HDAC9: variants seen among roughly 807,000 people sequenced by gnomAD.
HDAC9 encodes the protein histone deacetylase 9, also known as MEF-2 interacting transcription repressor (MITR) protein.
Under a neutral mutation model 139.4 loss-of-function variants are expected in HDAC9, and 41 were observed. The ratio of observed to expected loss-of-function variants is 0.29; its 90% CI spans 0.23 to 0.38. The LOEUF (loss-of-function observed/expected upper bound fraction) is 0.38, where lower values mean the gene tolerates loss of function less well. Ranked by LOEUF, HDAC9 falls within the 10% of genes least tolerant of loss-of-function variation. The pLI, the probability that HDAC9 is intolerant of heterozygous loss-of-function variation, is 1.00. For missense variants in HDAC9, 1,147 were observed against 1,297.0 expected, an observed-to-expected ratio of 0.88 and a Z score of 1.78; for synonymous variants, 517 against 476.2, an observed-to-expected ratio of 1.09 and a Z score of -1.12.
intron 6 of HDAC9, among the ~76,000 whole-genome samples, chr7:18,620,307 T>A (rs902769200): frequency 6.6e-6 from 1 of 152,100 alleles, no homozygotes; most frequent in East Asian, 1.9e-4. Context: ...AACTATAAAA[T>A]AATTAGAATT....
chr7:18,621,209 A>G (rs139759266), intron 6 of HDAC9, among the ~76,000 whole-genome samples: 1 of 151,896 alleles, frequency 6.6e-6, no homozygotes, highest in African/African-American at 2.4e-5. Flanking sequence ...GAAAAGACCC[A>G]TAATATATTA....
intron 2 of HDAC9, among the ~76,000 whole-genome samples, chr7:18,232,141 C>A (rs1793503124): frequency 6.6e-6 from 1 of 152,120 alleles, no homozygotes. Flanking sequence ...CTGTATGGAA[C>A]TTACACTGAA....
At chr7:18,832,908 G>C (rs1795962584) in intron 19 of HDAC9, among the ~76,000 whole-genome samples, 5 of 151,960 alleles carry the variant, frequency 3.3e-5, no homozygotes. Flanking sequence ...GCTAATTTTT[G>C]TATTTTTAGT....
chr7:18,886,211 A>T (rs1800137817), intron 22 of HDAC9, among the ~76,000 whole-genome samples: 1 of 152,184 alleles, frequency 6.6e-6, no homozygotes, highest in African/African-American at 2.4e-5. Context: ...CTCATACCAC[A>T]TGATAACTCA....
chr7:18,850,866 A>G (rs1051675791), intron 21 of HDAC9, among the ~76,000 whole-genome samples: 2 of 152,094 alleles, frequency 1.3e-5, no homozygotes, highest in African/African-American at 4.8e-5. Context: ...AAATCCTCAC[A>G]TGGTGGAAGG....
chr7:18,663,307 T>C (rs1271822089), intron 11 of HDAC9, among the ~76,000 whole-genome samples: 1 of 152,086 alleles, frequency 6.6e-6, no homozygotes, highest in Non-Finnish European at 1.5e-5. Flanking sequence ...AGAGGCCATG[T>C]TGTGGCCAGG....
rs1790364150 is a variant in HDAC9, at chr7:18,191,744, A to C, written c.25+29395A>C. Among the ~76,000 whole-genome samples the C allele has an allele frequency of 5.3e-5, 8 of 152,218 alleles. No homozygotes were observed. The South Asian group carries it at 1.4e-3, about 28-fold the overall frequency. On this transcript the variant is annotated intron_variant, in intron 2 of 12. Coordinates refer to the HDAC9 transcript ENST00000417496. ...ATTTCTTTGATACTTATGAATTGAA[A>C]TGTTTTGAAAACTTATGAATTTGCA...
chr7:18,968,031 A>G (rs958784611), intron 24 of HDAC9, among the ~76,000 whole-genome samples: 10 of 151,936 alleles, frequency 6.6e-5, no homozygotes, highest in African/African-American at 2.4e-4. Context: ...GCGTGGTGGC[A>G]TATGCCCGTA....
intron 11 of HDAC9, among the ~76,000 whole-genome samples, chr7:18,663,123 G>T (rs1412109958): frequency 6.6e-6 from 1 of 152,052 alleles, no homozygotes; most frequent in Non-Finnish European, 1.5e-5. Context: ...AATGAGGAAT[G>T]GTTGGAGTCA....
intron 1 of HDAC9, among the ~76,000 whole-genome samples, chr7:18,114,569 T>G (rs1783843265): frequency 6.6e-6 from 1 of 152,194 alleles, no homozygotes; most frequent in African/African-American, 2.4e-5. Context: ...TAGACTATTT[T>G]TAATTAATAA....
intron 1 of HDAC9, among the ~76,000 whole-genome samples, chr7:18,127,965 A>G (rs1162380594): frequency 2.6e-5 from 4 of 152,184 alleles, no homozygotes; most frequent in Admixed American, 2.6e-4. Context: ...GGTCTCTAAC[A>G]ATTCTTAAAC....
intron 6 of HDAC9, among the ~76,000 whole-genome samples, chr7:18,607,814 A>C (rs1019859001): frequency 3.3e-5 from 5 of 152,200 alleles, no homozygotes; most frequent in African/African-American, 1.2e-4. Context: ...TGATAAAAAT[A>C]TATTAATGAT....
intron 1 of HDAC9, among the ~76,000 whole-genome samples, chr7:18,467,168 C>A (rs144294662): frequency 6.6e-6 from 1 of 152,188 alleles, no homozygotes; most frequent in Non-Finnish European, 1.5e-5. Context: ...CCTACTCACA[C>A]ATTCCAAACT....
At chr7:18,878,916 T>A (rs1326543632) in intron 22 of HDAC9, among the ~76,000 whole-genome samples, 1 of 152,150 alleles carries the variant, frequency 6.6e-6, no homozygotes, top group Non-Finnish European at 1.5e-5. Flanking sequence ...AACCCCACAG[T>A]CTTGGCCCAA....
At chr7:18,682,157 T>C (rs1039620137) in intron 12 of HDAC9, among the ~76,000 whole-genome samples, 1 of 152,070 alleles carries the variant, frequency 6.6e-6, no homozygotes, top group African/African-American at 2.4e-5. Flanking sequence ...TAATATAGTT[T>C]CCACATGCAA....
At chr7:18,089,709 A>C (rs1014643943) in intron 1 of HDAC9, among the ~76,000 whole-genome samples, 4 of 152,270 alleles carry the variant, frequency 2.6e-5, no homozygotes, top group African/African-American at 7.2e-5. Context: ...TTACATTATA[A>C]TTTGTACACA....
At chr7:18,671,059 G>A (rs1175955908) in intron 12 of HDAC9, among the ~76,000 whole-genome samples, 2 of 151,934 alleles carry the variant, frequency 1.3e-5, no homozygotes, top group Non-Finnish European at 2.9e-5. Flanking sequence ...GATTTCAGCA[G>A]GTTCAGAGCT....
At chr7:18,536,254 C>T (rs1360728644) in intron 2 of HDAC9, among the ~76,000 whole-genome samples, 2 of 152,130 alleles carry the variant, frequency 1.3e-5, no homozygotes, top group Non-Finnish European at 2.9e-5. Flanking sequence ...GGATGAAGCT[C>T]CAGTTGTCAC....
intron 2 of HDAC9, among the ~76,000 whole-genome samples, chr7:18,166,937 G>A (rs1373194473): frequency 6.6e-6 from 1 of 152,236 alleles, no homozygotes; most frequent in East Asian, 1.9e-4. Context: ...AATCAAATAG[G>A]TTATGGCTTC....
Sources: gnomAD v4.1 joint callset for allele counts (sites outside exome capture counted in the v4.1 genomes callset) on GRCh38, gnomAD v4.1.1 for gene constraint, MANE v1.5 for transcripts, NCBI Gene and HGNC (gene_info 2026-07-23, HGNC 2026-07-21) for gene names.